SMYD3: variants seen among roughly 807,000 people sequenced by gnomAD.
SMYD3 encodes SET and MYND domain containing 3, also known as histone-lysine N-methyltransferase SMYD3.
Under a neutral mutation model 57.7 loss-of-function variants are expected in SMYD3, and 36 were observed. The observed-to-expected ratio is 0.62, with a 90% CI of 0.48 to 0.82. The LOEUF is 0.82. Among genes scored for constraint, SMYD3 ranks in the 40% least tolerant of loss-of-function variants. SMYD3 has a pLI of 0.00. For missense variants in SMYD3, 515 were observed against 538.8 expected (o/e 0.96, Z 0.44); for synonymous variants, 211 against 195.0 (o/e 1.08, Z -0.68).
chr1:246,260,739 C>G (rs80130571), intron 5 of SMYD3, among the ~76,000 whole-genome samples: 1 of 152,016 alleles, frequency 6.6e-6, no homozygotes, highest in Non-Finnish European at 1.5e-5. Context: ...CCCCATTTTC[C>G]TTCTTGAAAA....
At chr1:246,156,912 G>A (rs1337939278) in intron 5 of SMYD3, among the ~76,000 whole-genome samples, 1 of 152,202 alleles carries the variant, frequency 6.6e-6, no homozygotes, top group East Asian at 1.9e-4. Flanking sequence ...GTGACACAAA[G>A]GACCCTAGAA....
intron 5 of SMYD3, among the ~76,000 whole-genome samples, chr1:246,252,426 T>A (rs188918560): frequency 7.6e-4 from 116 of 152,292 alleles, no homozygotes; most frequent in Non-Finnish European, 8.1e-4. Context: ...ATAAAAACAC[T>A]AAAGCACACG....
chr1:246,048,748 G>C (rs1180428263), intron 5 of SMYD3, among the ~76,000 whole-genome samples: 1 of 151,400 alleles, frequency 6.6e-6, no homozygotes, highest in Non-Finnish European at 1.5e-5. Context: ...CAAGGTTATT[G>C]TAAGGCTCAA....
chr1:245,966,865 TC>T (rs2058165065), intron 5 of SMYD3, among the ~76,000 whole-genome samples: 5 of 152,060 alleles, frequency 3.3e-5, no homozygotes, highest in Admixed American at 3.3e-4. Flanking sequence ...TCTTTTAAGG[TC>T]CCCATATGAA....
chr1:246,253,832 T>C (rs1421003442), intron 5 of SMYD3, among the ~76,000 whole-genome samples: 4 of 152,204 alleles, frequency 2.6e-5, no homozygotes, highest in African/African-American at 9.6e-5. Flanking sequence ...GTCTTTTTGG[T>C]AGAATTATTT....
chr1:245,939,395 G>A (rs2057126334), intron 5 of SMYD3, among the ~76,000 whole-genome samples: 1 of 152,056 alleles, frequency 6.6e-6, no homozygotes, highest in Non-Finnish European at 1.5e-5. Context: ...GGAGGCCAAG[G>A]CGGGTGGATC....
chr1:245,781,552 C>A (rs1415695068), intron 10 of SMYD3, among the ~76,000 whole-genome samples: 1 of 152,174 alleles, frequency 6.6e-6, no homozygotes, highest in East Asian at 1.9e-4. Context: ...CTGCAAGTAA[C>A]CCCATTTCCA....
At chr1:246,069,728 G>C (rs1000615510) in intron 5 of SMYD3, among the ~76,000 whole-genome samples, 1 of 152,202 alleles carries the variant, frequency 6.6e-6, no homozygotes, top group African/African-American at 2.4e-5. Context: ...TTCCTCTGAA[G>C]AATCCTGAGG....
chr1:246,384,927 T>C (rs764919723), intron 1 of SMYD3, among the ~76,000 whole-genome samples: 38 of 152,150 alleles, frequency 2.5e-4, no homozygotes, highest in Non-Finnish European at 4.6e-4. Flanking sequence ...ATTTCACCCA[T>C]GGGACATTAC....
intron 10 of SMYD3, among the ~76,000 whole-genome samples, chr1:245,827,607 G>A (rs1359872245): frequency 1.7e-5 from 2 of 119,330 alleles, no homozygotes; most frequent in Non-Finnish European, 3.7e-5. Context: ...CACTCTCATA[G>A]CAGCATCATG....
At chr1:246,178,689 C>A (rs6672354) in intron 5 of SMYD3, 2 of 152,104 alleles carry the variant, frequency 1.3e-5, no homozygotes, top group Non-Finnish European at 2.9e-5. Context: ...CCAAAGTGAG[C>A]GAGTTTCAAT....
intron 5 of SMYD3, among the ~76,000 whole-genome samples, chr1:245,939,156 A>T (rs888295279): frequency 6.9e-6 from 1 of 145,388 alleles, no homozygotes; most frequent in African/African-American, 2.7e-5. Flanking sequence ...AAAAAAAATT[A>T]AAAAATAAAA....
At chr1:245,812,730 CGAGA>C (rs1278224724) in intron 10 of SMYD3, among the ~76,000 whole-genome samples, 1 of 134,092 alleles carries the variant, frequency 7.5e-6, no homozygotes, top group South Asian at 2.4e-4. Context: ...AAAGAGCGAG[CGAGA>C]GAGACAGAGA....
At chr1:245,936,384 G>A (rs12562286) in intron 5 of SMYD3, among the ~76,000 whole-genome samples, 18,935 of 151,292 alleles carry the variant, frequency 0.13, 1,622 homozygotes, top group East Asian at 0.51. Flanking sequence ...TGCAGATGGC[G>A]TGAAGACCAC....
chr1:246,394,335 G>A (rs753279711), intron 1 of SMYD3, among the ~76,000 whole-genome samples: 1 of 152,126 alleles, frequency 6.6e-6, no homozygotes, highest in Non-Finnish European at 1.5e-5. Context: ...GAACTCCTGT[G>A]TACCTCCTTG....
At chr1:246,374,115 T>C (rs1450136741) in intron 1 of SMYD3, among the ~76,000 whole-genome samples, 2 of 152,140 alleles carry the variant, frequency 1.3e-5, no homozygotes, top group Non-Finnish European at 2.9e-5. Flanking sequence ...GGAGAGGAGA[T>C]TGCCAGAGCC....
At chr1:246,247,444 ACT>A (rs143476169) in intron 5 of SMYD3, among the ~76,000 whole-genome samples, 1,672 of 142,754 alleles carry the variant, frequency 0.012, 70 homozygotes, top group East Asian at 0.059. Context: ...GAGAAGGATA[ACT>A]CTCTCTCTCT....
intron 5 of SMYD3, among the ~76,000 whole-genome samples, chr1:246,273,055 T>C (rs2064250746): frequency 6.6e-6 from 1 of 151,710 alleles, no homozygotes; most frequent in African/African-American, 2.4e-5. Flanking sequence ...GGGTATTCAA[T>C]TTGTTGTCAT....
At chr1:246,132,994 C>G (rs1222211218) in intron 5 of SMYD3, among the ~76,000 whole-genome samples, 1 of 151,792 alleles carries the variant, frequency 6.6e-6, no homozygotes, top group East Asian at 1.9e-4. Context: ...GAAATGGCGG[C>G]AAGGATGCAG....
Sources: gnomAD v4.1 joint callset for allele counts (sites outside exome capture counted in the v4.1 genomes callset) on GRCh38, gnomAD v4.1.1 for gene constraint, MANE v1.5 for transcripts, NCBI Gene and HGNC (gene_info 2026-07-23, HGNC 2026-07-21) for gene names.